Variants in DGKH observed in about 807,000 individuals in gnomAD.
DGKH encodes the protein DAG kinase eta.
Under a neutral mutation model 159.3 loss-of-function variants are expected in DGKH, and 90 were observed. The observed-to-expected ratio is 0.57, with a 90% CI of 0.48 to 0.67. The LOEUF (loss-of-function observed/expected upper bound fraction) is 0.67, where lower values mean the gene tolerates loss of function less well. DGKH is among the 30% of genes least tolerant of loss of function. DGKH has a pLI of 0.00. For missense variants in DGKH, 1,181 were observed against 1,506.1 expected (o/e 0.78, Z 3.57); for synonymous variants, 536 against 553.8 (o/e 0.97, Z 0.45).
At chr13:42,050,044 A>G (rs538755724) in intron 1 of DGKH, among the ~76,000 whole-genome samples, 1 of 152,282 alleles carries the variant, frequency 6.6e-6, no homozygotes, top group African/African-American at 2.4e-5. Context: ...CCTAAGGTCA[A>G]TGAACTCCTA....
At chr13:42,102,735 G>A (rs915809983) in intron 1 of DGKH, among the ~76,000 whole-genome samples, 1 of 152,226 alleles carries the variant, frequency 6.6e-6, no homozygotes, top group African/African-American at 2.4e-5. Context: ...CTACTGAAAT[G>A]TAACATGTTT....
chr13:42,187,152 A>G lies in DGKH; in HGVS notation c.1638+4A>G. 1 of 1,612,444 alleles carries G rather than the reference A, an allele frequency of 6.2e-7. No individual in the cohort carries two copies. Among genetic ancestry groups the G allele is most frequent in the Non-Finnish European group, 8.5e-7 (1 of 1,178,466 alleles). On this transcript the variant is annotated splice_donor_region_variant and intron_variant, in intron 14 of 29. Transcript: ENST00000337343. ...AGCTGATGCCGTGGCCAGTAAAGTA[A>G]GAGGGGACTCTTCAGGGCATGAGAG...
chr13:42,078,326 C>T (rs1593994166), intron 1 of DGKH, among the ~76,000 whole-genome samples: 1 of 152,120 alleles, frequency 6.6e-6, no homozygotes, highest in Non-Finnish European at 1.5e-5. Flanking sequence ...GTCAGGAGGC[C>T]GCTCCTATTA....
intron 1 of DGKH, among the ~76,000 whole-genome samples, chr13:42,082,135 C>G (rs766705211): frequency 6.6e-6 from 1 of 151,800 alleles, no homozygotes; most frequent in Non-Finnish European, 1.5e-5. Context: ...GGGCTGCACA[C>G]GTATCCTTCT....
rs929679741 is a variant in DGKH, at chr13:42,236,061, G to C, written c.*6873G>C. On this transcript the variant is annotated 3_prime_UTR_variant, in exon 30 of 30. Coordinates refer to ENST00000337343, the MANE Select transcript of DGKH (RefSeq NM_178009.5). Reference sequence around the variant, plus strand: ...AAGCTTTGTATATTTTGTGGCATTAGGGGCAAGAATTTTACCTTTGGATTT... The same window carrying C: ...AAGCTTTGTATATTTTGTGGCATTACGGGCAAGAATTTTACCTTTGGATTT... 1 of 152,130 alleles carries C rather than the reference G, an allele frequency of 6.6e-6. No individual in the cohort carries two copies. Among genetic ancestry groups the C allele is most frequent in the African/African-American group, 2.4e-5 (1 of 41,436 alleles). 9.4% of individuals were successfully genotyped at this position (152,130 alleles called of 1,614,324 possible). A position where few individuals can be genotyped will look rare whatever the true frequency, so the allele number is the denominator to read the frequency against.
intron 1 of DGKH, among the ~76,000 whole-genome samples, chr13:42,085,975 C>T (rs760083103): frequency 4.0e-5 from 6 of 151,706 alleles, no homozygotes; most frequent in Admixed American, 6.6e-5. Flanking sequence ...GGCTGGAGTG[C>T]GTAGTACAGT....
chr13:42,069,751 G>A (rs941062811), intron 1 of DGKH: 10 of 1,120,740 alleles, frequency 8.9e-6, no homozygotes, highest in South Asian at 3.1e-5. Flanking sequence ...TCATGACCTC[G>A]TTTTGTAATT....
chr13:42,040,392 G>A (rs1012029004), intron 1 of DGKH, among the ~76,000 whole-genome samples: 42 of 151,862 alleles, frequency 2.8e-4, no homozygotes, highest in Non-Finnish European at 5.0e-4. Context: ...TCCTTTCCGC[G>A]CGGCCGCCCG....
At chr13:42,110,754 C>T (rs1954848703) in intron 1 of DGKH, among the ~76,000 whole-genome samples, 1 of 151,316 alleles carries the variant, frequency 6.6e-6, no homozygotes, top group Admixed American at 6.6e-5. Flanking sequence ...GCACCACTGC[C>T]ACCTTGTGGT....
In DGKH at chr13:42,235,571, G is replaced by A. The variant is rs1958396156; in HGVS notation, c.*6383G>A. The stretch of plus-strand genomic sequence containing the variant: ...AAGAATATATTTTGTGGTCCTTAAT[G>A]TTTGATTGCACTATTGTTTCCCACA... On this transcript the variant is annotated 3_prime_UTR_variant, in exon 30 of 30. Transcript: ENST00000337343. 1 of 152,126 alleles carries A rather than the reference G, an allele frequency of 6.6e-6. No homozygotes were observed. The highest frequency in any genetic ancestry group is 1.5e-5 in the Non-Finnish European group (1 of 67,992). The allele number at this position is 152,126 out of a possible 1,614,324, so 9.4% of individuals were successfully genotyped here.
chr13:42,072,277 C>T (rs1223018366), intron 1 of DGKH, among the ~76,000 whole-genome samples: 1 of 152,176 alleles, frequency 6.6e-6, no homozygotes, highest in Non-Finnish European at 1.5e-5. Flanking sequence ...CCCAGTTGTC[C>T]TATTTACCCT....
intron 1 of DGKH, among the ~76,000 whole-genome samples, chr13:42,107,702 C>T (rs377459643): frequency 5.3e-5 from 8 of 152,014 alleles, no homozygotes; most frequent in Admixed American, 2.0e-4. Flanking sequence ...AAGGCAGCCC[C>T]GCTGTGAGTA....
intron 27 of DGKH, 32 bp downstream of exon 27, chr13:42,219,381 T>C (rs1209401565): frequency 1.4e-5 from 23 of 1,610,366 alleles, no homozygotes; most frequent in Non-Finnish European, 2.0e-5. Context: ...TCTCTAGAAA[T>C]GTAGACCATA....
chr13:42,105,807 T>C (rs1163763346), intron 1 of DGKH, among the ~76,000 whole-genome samples: 3 of 152,202 alleles, frequency 2.0e-5, no homozygotes, highest in South Asian at 2.1e-4. Context: ...CTTCGATATA[T>C]GGTTAGCTCC....
chr13:42,047,764 C>G (rs1813229449), upstream of DGKH, among the ~76,000 whole-genome samples: 1 of 152,152 alleles, frequency 6.6e-6, no homozygotes, highest in African/African-American at 2.4e-5. Context: ...ACTTCCAAGG[C>G]TTTTTGTCTC....
intron 1 of DGKH, among the ~76,000 whole-genome samples, chr13:42,120,837 G>A (rs1011403079): frequency 1.6e-4 from 25 of 152,092 alleles, no homozygotes; most frequent in African/African-American, 6.0e-4. Flanking sequence ...GTGCGCACAT[G>A]CAGGCATGTT....
intron 1 of DGKH, among the ~76,000 whole-genome samples, chr13:42,050,643 G>T (rs1881207319): frequency 1.3e-5 from 2 of 151,982 alleles, no homozygotes; most frequent in African/African-American, 4.8e-5. Context: ...TCTTAATTCT[G>T]AAAAAAGTTC....
intron 21 of DGKH, among the ~76,000 whole-genome samples, chr13:42,206,644 A>G (rs1245147100): frequency 6.7e-6 from 1 of 148,900 alleles, no homozygotes; most frequent in Admixed American, 6.7e-5. Flanking sequence ...GGAGACTCTT[A>G]TTTCCCTGTC....
rs565337790 is a variant in DGKH at position 42,174,833 on chromosome 13, A to G, written c.1452+689A>G. ...AGATCCTCCTGCCTTAGCCTCCCAA[A>G]GTGCTGGGATTACAGGCATGAGACA... is the stretch of plus-strand genomic sequence containing the variant. On this transcript the variant is annotated intron_variant, in intron 12 of 29. Coordinates refer to ENST00000337343, the MANE Select transcript of DGKH (RefSeq NM_178009.5). Among the ~76,000 whole-genome samples, 5 of 152,220 alleles carry G rather than the reference A, an allele frequency of 3.3e-5. No individual in the cohort carries two copies. The South Asian group carries it at 1.0e-3, about 32-fold the overall frequency.
Sources: allele counts gnomAD v4.1 joint callset (sites outside exome capture counted in the v4.1 genomes callset), GRCh38; gene constraint gnomAD v4.1.1; transcripts MANE v1.5; gene names NCBI Gene and HGNC (gene_info 2026-07-23, HGNC 2026-07-21).